CTIF: variants seen among roughly 807,000 people sequenced by gnomAD.
CTIF encodes the protein cap binding complex dependent translation initiation factor, also known as CBP80/20-dependent translation initiation factor.
Under a neutral mutation model 66.0 loss-of-function variants are expected in CTIF, and 21 were observed. The ratio of observed to expected loss-of-function variants is 0.32; its 90% CI spans 0.23 to 0.46. CTIF has a LOEUF of 0.46. CTIF is among the 20% of genes least tolerant of loss of function. The pLI is 1.00. For synonymous variants in CTIF, 345 were observed against 326.4 expected (o/e 1.06, Z -0.62); for missense variants, 739 against 812.7 (o/e 0.91, Z 1.10).
At chr18:48,608,914 T>C (rs1252431164) in intron 1 of CTIF, among the ~76,000 whole-genome samples, 5 of 152,238 alleles carry the variant, frequency 3.3e-5, no homozygotes, top group African/African-American at 1.2e-4. Flanking sequence ...GGAGCGCTGC[T>C]GCCACCACAC....
intron 7 of CTIF, among the ~76,000 whole-genome samples, chr18:48,724,427 G>T (rs768531373): frequency 6.6e-5 from 10 of 151,890 alleles, no homozygotes; most frequent in Admixed American, 1.3e-4. Context: ...CAGTCTTCTC[G>T]CTGTTCTTTG....
chr18:48,860,233 C>T lies in CTIF; in HGVS notation c.*674C>T, dbSNP rs1012977455. 3.0e-6 allele frequency: 1 copy of T among 328,770 alleles called. No homozygotes were observed. The highest frequency in any genetic ancestry group is 2.2e-5 in the African/African-American group (1 of 46,464). 20.4% of individuals were successfully genotyped at this position (328,770 alleles called of 1,614,324 possible). On this transcript the variant is annotated 3_prime_UTR_variant, in exon 12 of 12. Coordinates refer to ENST00000256413, the MANE Select transcript of CTIF (RefSeq NM_014772.3). The stretch of plus-strand genomic sequence containing the variant: ...GCGGGGGAGATGGAGTTTGCAGTTC[C>T]ACTTGCACTCTTTTGTTTATTGTGT...
chr18:48,615,043 C>T (rs1018165033), intron 1 of CTIF, among the ~76,000 whole-genome samples: 6 of 151,966 alleles, frequency 3.9e-5, no homozygotes, highest in African/African-American at 9.7e-5. Context: ...TGAGCATGTG[C>T]GACCATGCTC....
chr18:48,708,814 T>C (rs2092191238), intron 6 of CTIF, among the ~76,000 whole-genome samples: 1 of 152,218 alleles, frequency 6.6e-6, no homozygotes, highest in Non-Finnish European at 1.5e-5. Flanking sequence ...GATTCTGTCT[T>C]CCTTCCATGG....
At chr18:48,740,065 AC>A (rs1385343655) in intron 7 of CTIF, among the ~76,000 whole-genome samples, 1 of 152,230 alleles carries the variant, frequency 6.6e-6, no homozygotes, top group Admixed American at 6.5e-5. Flanking sequence ...TTCACATCTT[AC>A]AGGTGAGAGA....
intron 7 of CTIF, among the ~76,000 whole-genome samples, chr18:48,719,286 C>T (rs1568162386): frequency 6.6e-6 from 1 of 152,056 alleles, no homozygotes; most frequent in South Asian, 2.1e-4. Flanking sequence ...TCTCGACATC[C>T]CTCTCTTTAA....
At chr18:48,779,143 T>C (rs1438601278) in intron 9 of CTIF, among the ~76,000 whole-genome samples, 2 of 152,148 alleles carry the variant, frequency 1.3e-5, no homozygotes, top group African/African-American at 4.8e-5. Flanking sequence ...AAACACAACA[T>C]TGACTGGTGT....
intron 7 of CTIF, among the ~76,000 whole-genome samples, chr18:48,726,919 A>C (rs1376738136): frequency 6.6e-6 from 1 of 152,074 alleles, no homozygotes; most frequent in East Asian, 1.9e-4. Context: ...GTCTCATTTG[A>C]TTATAGCATC....
rs190408956 is a variant in CTIF at position 48,755,136 on chromosome 18, T to G, written c.585-2783T>G. Among the ~76,000 whole-genome samples, 763 of 152,330 alleles carry G rather than the reference T, an allele frequency of 5.0e-3. 2 individuals are homozygous for G. Among genetic ancestry groups the G allele is most frequent in the Middle Eastern group, 0.044 (13 of 294 alleles). Reference sequence around the variant, plus strand: ...ATAGCTGCAGGCGCCACAAAAATTCTAAATAAGGATGACGAAAGTTGTGAG... The same window carrying G: ...ATAGCTGCAGGCGCCACAAAAATTCGAAATAAGGATGACGAAAGTTGTGAG... On this transcript the variant is annotated intron_variant, in intron 7 of 11. Coordinates refer to ENST00000256413, the MANE Select transcript of CTIF (RefSeq NM_014772.3).
At chr18:48,646,098 G>T (rs903811568) in intron 3 of CTIF, among the ~76,000 whole-genome samples, 5 of 152,172 alleles carry the variant, frequency 3.3e-5, no homozygotes, top group South Asian at 2.1e-4. Flanking sequence ...TTTTGCTCTG[G>T]GAAGGACCCT....
At chr18:48,580,857 C>A (rs1422498266) in intron 1 of CTIF, among the ~76,000 whole-genome samples, 1 of 152,240 alleles carries the variant, frequency 6.6e-6, no homozygotes, top group Non-Finnish European at 1.5e-5. Context: ...GAGGACAAGT[C>A]CCCTGCCTGG....
At chr18:48,776,855 G>C (rs1327942198) in intron 9 of CTIF, among the ~76,000 whole-genome samples, 1 of 152,238 alleles carries the variant, frequency 6.6e-6, no homozygotes, top group African/African-American at 2.4e-5. Flanking sequence ...TAAAGGCTCG[G>C]CGTGGGAGGA....
At chr18:48,722,520 C>T (rs1298703574) in intron 7 of CTIF, among the ~76,000 whole-genome samples, 1 of 152,176 alleles carries the variant, frequency 6.6e-6, no homozygotes, top group Admixed American at 6.5e-5. Flanking sequence ...AGCACCCAGC[C>T]TCTCTGTCCT....
intron 10 of CTIF, among the ~76,000 whole-genome samples, chr18:48,837,148 G>C (rs990307177): frequency 6.6e-5 from 10 of 152,292 alleles, no homozygotes; most frequent in East Asian, 3.9e-4. Flanking sequence ...AGGGGCTGGG[G>C]GGTCTCCTTT....
rs1468736114 is a variant in CTIF at position 48,730,712 on chromosome 18, C to CCT, written c.584+19017_584+19018insCT. On this transcript the variant is annotated intron_variant, in intron 7 of 11. Coordinates refer to ENST00000256413, the MANE Select transcript of CTIF (RefSeq NM_014772.3). ...GAGCCCCTGAGGTGTGAGGGGCTTC[C>CCT]GCGGTGTGAGGGGCTTCCGTGGTGT... Among the ~76,000 whole-genome samples, 173 of 71,186 alleles carry CCT rather than the reference C, an allele frequency of 2.4e-3. 32 individuals are homozygous for CCT. The East Asian group carries it at 0.04, about 16-fold the overall frequency. 46.7% of individuals were successfully genotyped at this position (71,186 alleles called of 152,430 possible).
In CTIF at chr18:48,817,242, G is replaced by C; in HGVS notation, c.1393G>C (p.Glu465Gln). ...MLQKDFTVREELQQQDVERWL... is the reference protein window; with the variant it reads ...MLQKDFTVREQLQQQDVERWL... ...ACAGAAGGACTTCACGGTGCGCGAG[G>C]AGCTGCAGCAGCAGGACGTGGAGCG... The change falls in exon 10 of 12, where the codon GAG (glutamate) becomes CAG (glutamine). Residue 465 changes from glutamate (E) to glutamine (Q), a missense_variant. By Grantham distance (29) the Glu-to-Gln change is conservative. Coordinates refer to ENST00000256413, the MANE Select transcript of CTIF (RefSeq NM_014772.3). 3 of 1,613,966 alleles carry C rather than the reference G, an allele frequency of 1.9e-6. No homozygotes were observed. The highest frequency in any genetic ancestry group is 2.5e-6 in the Non-Finnish European group (3 of 1,180,008).
chr18:48,849,538 A>G lies in CTIF; in HGVS notation c.1528-8050A>G, dbSNP rs374664269. 7.3e-5 allele frequency among the ~76,000 whole-genome samples: 11 copies of G among 151,656 alleles called. No individual in the cohort carries two copies. The East Asian group carries it at 7.8e-4, about 11-fold the overall frequency. On this transcript the variant is annotated intron_variant, in intron 10 of 11. Coordinates refer to ENST00000256413, the MANE Select transcript of CTIF (RefSeq NM_014772.3). ...AACCATTTTTTATTGGTTAATAAATACATACATATACATATAACATTATGT... is the reference window on the plus strand; with the variant it reads ...AACCATTTTTTATTGGTTAATAAATGCATACATATACATATAACATTATGT...
intron 7 of CTIF, among the ~76,000 whole-genome samples, chr18:48,714,666 C>A (rs2092262619): frequency 6.6e-6 from 1 of 152,168 alleles, no homozygotes; most frequent in South Asian, 2.1e-4. Flanking sequence ...TTTTTGTGTG[C>A]CTTACTGCTT....
At chr18:48,679,487 G>A (rs889287588) in intron 6 of CTIF, among the ~76,000 whole-genome samples, 33 of 152,178 alleles carry the variant, frequency 2.2e-4, no homozygotes, top group Non-Finnish European at 5.9e-5. Context: ...CTTGGCGGGT[G>A]GGAGATGGAG....
Sources: gnomAD v4.1 joint callset for allele counts (sites outside exome capture counted in the v4.1 genomes callset) on GRCh38, gnomAD v4.1.1 for gene constraint, MANE v1.5 for transcripts, NCBI Gene and HGNC (gene_info 2026-07-23, HGNC 2026-07-21) for gene names.